Variants in TTC7A observed in about 807,000 individuals in gnomAD.
TTC7A encodes tetratricopeptide repeat domain 7A.
In TTC7A, 110 loss-of-function variants were observed where a neutral mutation model predicts 103.7. The ratio of observed to expected loss-of-function variants is 1.06; its 90% CI spans 0.91 to 1.24. TTC7A has a LOEUF of 1.24. Among genes scored for constraint, TTC7A ranks in the 50% most tolerant of loss-of-function variants. TTC7A has a pLI of 0.00. For synonymous variants in TTC7A, 521 were observed against 467.9 expected (o/e 1.11, Z -1.47); for missense variants, 1,340 against 1,116.3 (o/e 1.20, Z -2.86).
In TTC7A at chr2:47,074,843, C is replaced by T. The variant is rs1293489454; in HGVS notation, c.*920C>T. 1 of 152,210 alleles carries T rather than the reference C, an allele frequency of 6.6e-6. No homozygotes were observed. The highest frequency in any genetic ancestry group is 1.5e-5 in the Non-Finnish European group (1 of 68,068). 9.4% of individuals were successfully genotyped at this position (152,210 alleles called of 1,614,324 possible). ...ACAGAGCCCAGCCCCTCTCCTGTGGCTGAGCAGGCCTCTGTGTCCATGACA... is the reference window on the plus strand; with the variant it reads ...ACAGAGCCCAGCCCCTCTCCTGTGGTTGAGCAGGCCTCTGTGTCCATGACA... On this transcript the variant is annotated 3_prime_UTR_variant, in exon 20 of 20. Coordinates refer to ENST00000319190, the MANE Select transcript of TTC7A (RefSeq NM_020458.4).
At chr2:46,986,959 T>C (rs1458550086) in intron 5 of TTC7A, among the ~76,000 whole-genome samples, 1 of 152,208 alleles carries the variant, frequency 6.6e-6, no homozygotes, top group African/African-American at 2.4e-5. Context: ...CTCATCAGAA[T>C]GTCTGAGGGA....
intron 15 of TTC7A, among the ~76,000 whole-genome samples, chr2:47,041,312 A>G (rs1193807323): frequency 2.0e-5 from 3 of 152,202 alleles, no homozygotes; most frequent in East Asian, 3.8e-4. Context: ...ACTGTGCCAG[A>G]CGCTGGGGGA....
chr2:46,964,082 G>A (rs1672620620), intron 3 of TTC7A, among the ~76,000 whole-genome samples: 1 of 152,250 alleles, frequency 6.6e-6, no homozygotes, highest in South Asian at 2.1e-4. Flanking sequence ...AGTAGTTGCA[G>A]GGTCAGGCTG....
At position 46,941,814 on chromosome 2, in the gene TTC7A, G is replaced by T. The variant is rs915789169; in HGVS notation, c.184+89G>T. On this transcript the variant is annotated intron_variant, in intron 1 of 19. Transcript: ENST00000319190. This position sits in a 1 kb window ranked among gnomAD's most constrained non-coding sequence, Gnocchi z 4.2. ...AAGCGCGCCCAGACAGTCCTCGGCCGACAGCGGGCGCCTGCCAGCCCACCG... is the reference window on the plus strand; with the variant it reads ...AAGCGCGCCCAGACAGTCCTCGGCCTACAGCGGGCGCCTGCCAGCCCACCG... The T allele has an allele frequency of 4.7e-6, 7 of 1,495,072 alleles. No homozygotes were observed. Among genetic ancestry groups the T allele is most frequent in the Admixed American group, 2.1e-5 (1 of 48,288 alleles). The allele number at this position is 1,495,072 out of a possible 1,614,324, so 92.6% of individuals were successfully genotyped here.
At chr2:47,058,615 C>T (rs911972508) in intron 18 of TTC7A, among the ~76,000 whole-genome samples, 1 of 152,246 alleles carries the variant, frequency 6.6e-6, no homozygotes, top group African/African-American at 2.4e-5. Flanking sequence ...AAGTCAGACT[C>T]TGCTGGCCCT....
chr2:47,001,075 C>G (rs1676756188), intron 8 of TTC7A, among the ~76,000 whole-genome samples: 2 of 152,138 alleles, frequency 1.3e-5, no homozygotes, highest in African/African-American at 4.8e-5. Context: ...CTTACCTGGC[C>G]TCCCTTAGTC....
upstream of TTC7A, among the ~76,000 whole-genome samples, chr2:46,940,682 G>T (rs1412591776): frequency 1.3e-5 from 2 of 152,226 alleles, 1 homozygote; most frequent in East Asian, 3.9e-4. This position sits in a 1 kb window ranked among gnomAD's most constrained non-coding sequence, Gnocchi z 4.7. Context: ...GAGGAACTCC[G>T]CTAAAATAAG....
At chr2:47,006,360 C>G (rs997543359) in intron 9 of TTC7A, among the ~76,000 whole-genome samples, 8 of 152,246 alleles carry the variant, frequency 5.3e-5, no homozygotes, top group African/African-American at 1.9e-4. Flanking sequence ...AAAGCACTTT[C>G]ACAAATCTTA....
chr2:47,058,752 C>T (rs1175534211), intron 18 of TTC7A, among the ~76,000 whole-genome samples: 2 of 152,192 alleles, frequency 1.3e-5, no homozygotes, highest in East Asian at 1.9e-4. Flanking sequence ...CGAAGAGCCG[C>T]GTCTCCTAAA....
chr2:47,003,784 C>T (rs1308003358), intron 8 of TTC7A, among the ~76,000 whole-genome samples: 1 of 152,230 alleles, frequency 6.6e-6, no homozygotes, highest in Non-Finnish European at 1.5e-5. Flanking sequence ...GGCCTCTGTG[C>T]CCCCGTCCTC....
chr2:46,950,877 A>C (rs1378023703), intron 2 of TTC7A, among the ~76,000 whole-genome samples: 2 of 152,210 alleles, frequency 1.3e-5, no homozygotes, highest in Non-Finnish European at 2.9e-5. Flanking sequence ...TTCACCTTTT[A>C]CCTTTTTCAG....
chr2:46,966,520 C>G (rs898643234), intron 3 of TTC7A, among the ~76,000 whole-genome samples: 2 of 151,664 alleles, frequency 1.3e-5, no homozygotes, highest in African/African-American at 4.8e-5. Context: ...CTGTAAGTAA[C>G]TTCATAGCAT....
intron 5 of TTC7A, among the ~76,000 whole-genome samples, chr2:46,980,047 C>T (rs1328007025): frequency 6.6e-6 from 1 of 152,154 alleles, no homozygotes; most frequent in Non-Finnish European, 1.5e-5. Context: ...TCACTGACTG[C>T]CTGGAGTTCT....
At chr2:47,057,685 TC>T (rs1284168806) in intron 18 of TTC7A, among the ~76,000 whole-genome samples, 1 of 152,118 alleles carries the variant, frequency 6.6e-6, no homozygotes, top group Non-Finnish European at 1.5e-5. Context: ...CCCACACACT[TC>T]CTTCTGCTTC....
At chr2:47,025,760 C>A (rs193231053) in intron 14 of TTC7A, among the ~76,000 whole-genome samples, 1 of 152,244 alleles carries the variant, frequency 6.6e-6, no homozygotes, top group African/African-American at 2.4e-5. Context: ...CACTGCCCCT[C>A]CCCCTGTGAC....
intron 11 of TTC7A, among the ~76,000 whole-genome samples, chr2:47,017,935 GAT>G (rs35641862): frequency 0.55 from 83,544 of 151,332 alleles, 23,365 homozygotes; most frequent in East Asian, 0.76. Flanking sequence ...ACAAAATATG[GAT>G]ATATATATAT....
rs1008786662 is a variant in TTC7A at position 47,007,688 on chromosome 2, G to A, written c.1287+964G>A. 6.6e-6 allele frequency among the ~76,000 whole-genome samples: 1 copy of A among 152,200 alleles called. No homozygotes were observed. The highest frequency in any genetic ancestry group is 1.5e-5 in the Non-Finnish European group (1 of 68,026). On this transcript the variant is annotated intron_variant, in intron 10 of 19. Coordinates refer to ENST00000319190, the MANE Select transcript of TTC7A (RefSeq NM_020458.4). The surrounding 1 kb of genome is among the most constrained non-coding windows in gnomAD (Gnocchi z 4.9). ...CCGAGGCAGGCCAGGCCCTGGCAGG[G>A]AGGGGGAAGAGGAGCAGGTGCTGCA...
At chr2:46,925,944 A>G (rs1278064951) in intron 2 of TTC7A, among the ~76,000 whole-genome samples, 1 of 152,162 alleles carries the variant, frequency 6.6e-6, no homozygotes, top group African/African-American at 2.4e-5. Context: ...GTCAGCTAAG[A>G]TCTTATTTTT....
At chr2:46,971,097 C>A (rs1673317468) in intron 3 of TTC7A, among the ~76,000 whole-genome samples, 1 of 152,216 alleles carries the variant, frequency 6.6e-6, no homozygotes, top group South Asian at 2.1e-4. Context: ...ATCCAGCCAG[C>A]AAATGCTTGT....
Sources: gnomAD v4.1 joint callset for allele counts (sites outside exome capture counted in the v4.1 genomes callset) on GRCh38, gnomAD v4.1.1 for gene constraint, Gnocchi (gnomAD v3.1) non-coding constraint, MANE v1.5 for transcripts, NCBI Gene and HGNC (gene_info 2026-07-23, HGNC 2026-07-21) for gene names.